The following ABTB2 variants were observed in gnomAD, a reference collection of about 807,000 sequenced individuals.
ABTB2 encodes ankyrin repeat and BTB/POZ domain-containing protein 2.
Under a neutral mutation model 104.1 loss-of-function variants are expected in ABTB2, and 56 were observed. That is an observed-to-expected ratio of 0.54 (90% CI 0.43 to 0.67). The LOEUF (loss-of-function observed/expected upper bound fraction) is 0.67, where lower values mean the gene tolerates loss of function less well. Among genes scored for constraint, ABTB2 ranks in the 30% least tolerant of loss-of-function variants. The probability of loss-of-function intolerance (pLI) is 0.00; values close to 1 mark genes in which losing one functional copy is unlikely to be tolerated. For synonymous variants in ABTB2, 606 were observed against 608.2 expected (o/e 1.00, Z 0.05); for missense variants, 1,279 against 1,407.7 (o/e 0.91, Z 1.46).
At chr11:34,345,275 C>T (rs1233379397) in intron 1 of ABTB2, among the ~76,000 whole-genome samples, 1 of 152,190 alleles carries the variant, frequency 6.6e-6, no homozygotes, top group Non-Finnish European at 1.5e-5. Context: ...CTTGAACCCA[C>T]CAGGAATGCT....
chr11:34,334,187 A>G (rs1281214656), intron 1 of ABTB2, among the ~76,000 whole-genome samples: 10 of 152,176 alleles, frequency 6.6e-5, no homozygotes, highest in Admixed American at 4.6e-4. Context: ...GGTGACTCTA[A>G]TGAAAGCCTT....
At chr11:34,274,177 A>G (rs927326244) in intron 1 of ABTB2, among the ~76,000 whole-genome samples, 1 of 151,190 alleles carries the variant, frequency 6.6e-6, no homozygotes, top group Non-Finnish European at 1.5e-5. Flanking sequence ...AAAAAAAAAA[A>G]AAAAAAAAAA....
chr11:34,192,257 C>T (rs561625765), intron 3 of ABTB2, among the ~76,000 whole-genome samples: 1 of 152,294 alleles, frequency 6.6e-6, no homozygotes, highest in African/African-American at 2.4e-5. Context: ...TGTGCCACTG[C>T]ACTCCAGCCT....
chr11:34,246,465 A>G (rs1853984190), intron 1 of ABTB2, among the ~76,000 whole-genome samples: 1 of 151,934 alleles, frequency 6.6e-6, no homozygotes, highest in East Asian at 2.0e-4. Flanking sequence ...GCTGGGCGTA[A>G]TGGTGCATGC....
chr11:34,283,459 G>T (rs888376719), intron 1 of ABTB2, among the ~76,000 whole-genome samples: 1 of 152,134 alleles, frequency 6.6e-6, no homozygotes, highest in Admixed American at 6.5e-5. Context: ...CAAGTGATCC[G>T]CCTACCTTGG....
At chr11:34,276,876 T>C (rs1247569862) in intron 1 of ABTB2, among the ~76,000 whole-genome samples, 3 of 152,180 alleles carry the variant, frequency 2.0e-5, no homozygotes, top group Non-Finnish European at 4.4e-5. Context: ...AGCAGAACAG[T>C]AGGTGCCCAC....
At chr11:34,296,627 C>T (rs1387087717) in intron 1 of ABTB2, among the ~76,000 whole-genome samples, 1 of 152,102 alleles carries the variant, frequency 6.6e-6, no homozygotes. Context: ...CAAAGCAAGG[C>T]AGTGAGGCAG....
intron 1 of ABTB2, among the ~76,000 whole-genome samples, chr11:34,338,052 C>A (rs1377241904): frequency 6.6e-6 from 1 of 151,904 alleles, no homozygotes; most frequent in African/African-American, 2.4e-5. Context: ...CAAACCTGCC[C>A]GTTTATCTAG....
Position 34,161,087 on chromosome 11 carries a change from C to G in ABTB2, c.2219-6G>C, listed in dbSNP as rs775823176. ...GTGCAGCTTCCAGGGGACTCCTGGT[C>G]CAGGCAGGGAAGGGCAGGCAGTCAC... On this transcript the variant is annotated splice_region_variant and splice_polypyrimidine_tract_variant and intron_variant, in intron 10 of 16. Coordinates refer to ENST00000435224, the MANE Select transcript of ABTB2 (RefSeq NM_145804.3). The G allele has an allele frequency of 1.2e-6, 2 of 1,600,648 alleles. No individual in the cohort carries two copies. The highest frequency in any genetic ancestry group is 1.7e-6 in the Non-Finnish European group (2 of 1,172,604).
chr11:34,165,983 CAG>C (rs1198788542), intron 7 of ABTB2, among the ~76,000 whole-genome samples: 9 of 152,230 alleles, frequency 5.9e-5, no homozygotes, highest in African/African-American at 1.7e-4. Flanking sequence ...CGGGCTTTGA[CAG>C]GGGACAGACG....
At position 34,326,447 on chromosome 11, in the gene ABTB2, AC is replaced by A. The variant is rs1024366580; in HGVS notation, c.883+30253del. Among the ~76,000 whole-genome samples, 3 of 151,978 alleles carry A rather than the reference AC, an allele frequency of 2.0e-5. 1 individual carries two copies. Reference sequence around the variant, plus strand: ...AGACCAGCCTGCCCAACGTGGTGAGACCCCCATCTCTACTAAAAATATTAAT... The same window carrying A: ...AGACCAGCCTGCCCAACGTGGTGAGACCCCATCTCTACTAAAAATATTAAT... On this transcript the variant is annotated intron_variant, in intron 1 of 16. Transcript: ENST00000435224.
At chr11:34,221,855 A>G (rs767726116) in intron 1 of ABTB2, among the ~76,000 whole-genome samples, 12 of 152,250 alleles carry the variant, frequency 7.9e-5, no homozygotes, top group Non-Finnish European at 1.3e-4. Flanking sequence ...CCTGGTCAAC[A>G]TGGCAAAACA....
At chr11:34,340,205 C>T (rs997180671) in intron 1 of ABTB2, among the ~76,000 whole-genome samples, 1 of 152,192 alleles carries the variant, frequency 6.6e-6, no homozygotes, top group Non-Finnish European at 1.5e-5. Context: ...CTTTTTCTGA[C>T]TAGACAGATA....
At chr11:34,254,192 C>T (rs187084391) in intron 1 of ABTB2, among the ~76,000 whole-genome samples, 18 of 152,288 alleles carry the variant, frequency 1.2e-4, no homozygotes, top group Admixed American at 8.5e-4. Flanking sequence ...AGAATCTCTT[C>T]CATGACTGTA....
intron 1 of ABTB2, among the ~76,000 whole-genome samples, chr11:34,332,330 C>T (rs1855141219): frequency 6.6e-6 from 1 of 152,150 alleles, no homozygotes; most frequent in Non-Finnish European, 1.5e-5. Flanking sequence ...CACAGTTCTC[C>T]CTTCTCCTCC....
At chr11:34,322,316 G>A (rs771377115) in intron 1 of ABTB2, among the ~76,000 whole-genome samples, 6 of 152,190 alleles carry the variant, frequency 3.9e-5, no homozygotes, top group Non-Finnish European at 5.9e-5. Context: ...TGTATTAAGA[G>A]ATTGTTAATC....
intron 1 of ABTB2, among the ~76,000 whole-genome samples, chr11:34,315,792 A>G (rs4756132): frequency 0.14 from 20,701 of 152,176 alleles, 1,813 homozygotes; most frequent in Admixed American, 0.24. Flanking sequence ...GCCACCCCCC[A>G]GGTTTCCAGC....
chr11:34,234,162 T>G (rs117817274), intron 1 of ABTB2, among the ~76,000 whole-genome samples: 1 of 151,878 alleles, frequency 6.6e-6, no homozygotes, highest in African/African-American at 2.4e-5. Flanking sequence ...CCCTCCCCTG[T>G]TGGGGTGGGG....
chr11:34,286,335 C>T (rs1854504527), intron 1 of ABTB2, among the ~76,000 whole-genome samples: 1 of 152,040 alleles, frequency 6.6e-6, no homozygotes. Flanking sequence ...CTCTGTTACC[C>T]AGGCTGGAGT....
Sources: allele counts gnomAD v4.1 joint callset (sites outside exome capture counted in the v4.1 genomes callset), GRCh38; gene constraint gnomAD v4.1.1; transcripts MANE v1.5; gene names NCBI Gene and HGNC (gene_info 2026-07-23, HGNC 2026-07-21).